The following RAP1GAP variants were observed in gnomAD, a reference collection of about 807,000 sequenced individuals.
The protein encoded by RAP1GAP is RAP1 GTPase activating protein, also known as rap1 GTPase-activating protein 1.
Under a neutral mutation model 87.2 loss-of-function variants are expected in RAP1GAP, and 35 were observed. That is an observed-to-expected ratio of 0.40 (90% CI 0.31 to 0.53). The LOEUF is 0.53. Among genes scored for constraint, RAP1GAP ranks in the 20% least tolerant of loss-of-function variants. The pLI is 0.48. For missense variants in RAP1GAP, 734 were observed against 898.9 expected (o/e 0.82, Z 2.35); for synonymous variants, 375 against 363.9 (o/e 1.03, Z -0.35).
chr1:21,656,631 G>A (rs1041830123), intron 1 of RAP1GAP, among the ~76,000 whole-genome samples: 5 of 152,180 alleles, frequency 3.3e-5, no homozygotes, highest in African/African-American at 1.2e-4. Flanking sequence ...AGGGAAGAGT[G>A]GGTGTGACTT....
intron 1 of RAP1GAP, 133 bp from the exon 2 acceptor site, chr1:21,649,929 G>T: frequency 1.1e-6 from 1 of 890,548 alleles, no homozygotes; most frequent in Non-Finnish European, 1.8e-6. Context: ...AAGGATGCCT[G>T]ATGCAGTCAC....
chr1:21,600,485 T>G (rs1302209889), intron 20 of RAP1GAP, among the ~76,000 whole-genome samples: 1 of 152,172 alleles, frequency 6.6e-6, no homozygotes, highest in Non-Finnish European at 1.5e-5. Flanking sequence ...TCTGCTTCCA[T>G]CCCACCCCAC....
intron 2 of RAP1GAP, among the ~76,000 whole-genome samples, chr1:21,630,180 C>T (rs942419606): frequency 1.3e-5 from 2 of 152,208 alleles, no homozygotes; most frequent in African/African-American, 4.8e-5. Context: ...TTGACCTCCC[C>T]CAACATCTGG....
chr1:21,633,392 C>T (rs1052313169), intron 2 of RAP1GAP, among the ~76,000 whole-genome samples: 1 of 152,230 alleles, frequency 6.6e-6, no homozygotes, highest in Non-Finnish European at 1.5e-5. Context: ...AGGCACCCCC[C>T]CTCTGCTGGG....
intron 1 of RAP1GAP, among the ~76,000 whole-genome samples, chr1:21,659,451 C>A (rs2097019234): frequency 6.6e-6 from 1 of 152,172 alleles, no homozygotes; most frequent in African/African-American, 2.4e-5. Flanking sequence ...GGAGGCGGCC[C>A]CAGCGCCCGT....
chr1:21,611,328 G>A, intron 13 of RAP1GAP, 124 bp downstream of exon 13: 2 of 1,334,714 alleles, frequency 1.5e-6, no homozygotes, highest in Non-Finnish European at 2.0e-6. Flanking sequence ...ACAAGTGGGG[G>A]CGCTGATCAT....
At chr1:21,608,801 G>T (rs373493376) in intron 16 of RAP1GAP, 49 bp downstream of exon 16, 4 of 1,538,916 alleles carry the variant, frequency 2.6e-6, no homozygotes, top group Non-Finnish European at 3.6e-6. Context: ...TGAAGTTATA[G>T]GTTGGAAGGT....
chr1:21,640,427 G>A (rs940025024), intron 2 of RAP1GAP, among the ~76,000 whole-genome samples: 3 of 152,226 alleles, frequency 2.0e-5, no homozygotes, highest in Non-Finnish European at 2.9e-5. Flanking sequence ...GCCTGGGTCT[G>A]TTTGGGTCTG....
At chr1:21,604,439 C>T (rs2072208387) in intron 18 of RAP1GAP, among the ~76,000 whole-genome samples, 1 of 152,010 alleles carries the variant, frequency 6.6e-6, no homozygotes, top group South Asian at 2.1e-4. Flanking sequence ...AACAAAAAAA[C>T]AAGGAGAGAG....
intron 2 of RAP1GAP, among the ~76,000 whole-genome samples, chr1:21,626,680 G>C (rs1200000766): frequency 6.6e-6 from 1 of 152,184 alleles, no homozygotes; most frequent in East Asian, 1.9e-4. Context: ...GTAGACTGAG[G>C]CAGGGGCACT....
rs2081218574 is a variant in RAP1GAP at position 21,615,201 on chromosome 1, A to G, written c.292-1112T>C. 6.6e-6 allele frequency among the ~76,000 whole-genome samples: 1 copy of G among 152,060 alleles called. No individual in the cohort carries two copies. Among genetic ancestry groups the G allele is most frequent in the Non-Finnish European group, 1.5e-5 (1 of 67,998 alleles). ...AGGAGCCCCCGGGACACAGTGGGAG[A>G]GCGGGCTCAGGGTCCCAGGAAGTCA... On this transcript the variant is annotated intron_variant, in intron 7 of 24. Coordinates refer to ENST00000374765, the MANE Select transcript of RAP1GAP (RefSeq NM_002885.4). This position sits in a 1 kb window ranked among gnomAD's most constrained non-coding sequence, Gnocchi z 4.5.
Position 21,634,936 on chromosome 1 carries a change from C to T in RAP1GAP, c.-112-8539G>A, listed in dbSNP as rs1296973573. On this transcript the variant is annotated intron_variant, in intron 2 of 24. Transcript: ENST00000374765. The surrounding 1 kb of genome is among the most constrained non-coding windows in gnomAD (Gnocchi z 4.1). ...ACCCGGCCGCAGGGCCTCTTCCTGCCGGGCAACAACATCATCTGCTTCCCT... is the reference window on the plus strand; with the variant it reads ...ACCCGGCCGCAGGGCCTCTTCCTGCTGGGCAACAACATCATCTGCTTCCCT... Among the ~76,000 whole-genome samples the T allele has an allele frequency of 1.3e-5, 2 of 152,210 alleles. No homozygotes were observed. The highest frequency in any genetic ancestry group is 4.8e-5 in the African/African-American group (2 of 41,450).
Position 21,660,339 on chromosome 1 carries a change from C to CTATATATATATATATATATATATATA in RAP1GAP, c.-149+8914_-149+8915insTATATATATATATATATATATATATA, listed in dbSNP as rs1553503813. On this transcript the variant is annotated intron_variant, in intron 1 of 24. Coordinates refer to ENST00000374765, the MANE Select transcript of RAP1GAP (RefSeq NM_002885.4). ...CTGGACAGAGTGGGTTCCAACTCAG[C>CTATATATATATATATATATATATATA]TATATATATTTATTGAGACAGTCTC... is the stretch of plus-strand genomic sequence containing the variant. Among the ~76,000 whole-genome samples the CTATATATATATATATATATATATATA allele has an allele frequency of 7.6e-5, 4 of 52,864 alleles. 1 individual carries two copies. Among genetic ancestry groups the CTATATATATATATATATATATATATA allele is most frequent in the Non-Finnish European group, 1.3e-4 (3 of 23,866 alleles). 34.7% of individuals were successfully genotyped at this position (52,864 alleles called of 152,430 possible).
chr1:21,615,644 G>A lies in RAP1GAP; in HGVS notation c.292-1555C>T, dbSNP rs576025512. Among the ~76,000 whole-genome samples the A allele has an allele frequency of 3.9e-5, 6 of 152,108 alleles. No individual in the cohort carries two copies. Among genetic ancestry groups the A allele is most frequent in the South Asian group, 2.1e-4 (1 of 4,806 alleles). On this transcript the variant is annotated intron_variant, in intron 7 of 24. Transcript: ENST00000374765. This position sits in a 1 kb window ranked among gnomAD's most constrained non-coding sequence, Gnocchi z 4.5. ...TGACCTCAAGTGATCTGCCCACCTC[G>A]GCCTCCCAAAGTGCTGGGATTACAG... is the stretch of plus-strand genomic sequence containing the variant.
chr1:21,636,257 G>C (rs1455521062), intron 2 of RAP1GAP, among the ~76,000 whole-genome samples: 2 of 152,214 alleles, frequency 1.3e-5, no homozygotes, highest in African/African-American at 4.8e-5. Flanking sequence ...ACAGCTGTGT[G>C]ACCTTGGACA....
At chr1:21,631,440 C>G (rs181172692) in intron 2 of RAP1GAP, among the ~76,000 whole-genome samples, 1,806 of 152,346 alleles carry the variant, frequency 0.012, 34 homozygotes, top group Admixed American at 0.055. Context: ...AATCCCAGCA[C>G]TTTGGGAGGC....
intron 1 of RAP1GAP, chr1:21,651,644 A>C (rs2096573277): frequency 1.1e-6 from 1 of 935,314 alleles, no homozygotes; most frequent in Non-Finnish European, 1.7e-6. Context: ...CACTGAGGTC[A>C]AACGCTCAGC....
intron 2 of RAP1GAP, among the ~76,000 whole-genome samples, chr1:21,642,914 A>ACT (rs1558839981): frequency 6.7e-6 from 1 of 149,244 alleles, no homozygotes. Context: ...ACACACACAC[A>ACT]CTGCCACTTG....
intron 1 of RAP1GAP, among the ~76,000 whole-genome samples, chr1:21,656,580 GAA>G (rs908089105): frequency 1.4e-4 from 22 of 152,282 alleles, no homozygotes; most frequent in Non-Finnish European, 2.6e-4. Context: ...GAAGCTTCTG[GAA>G]AAAGAGTCTC....
Sources: allele counts gnomAD v4.1 joint callset (sites outside exome capture counted in the v4.1 genomes callset), GRCh38; gene constraint gnomAD v4.1.1; non-coding constraint Gnocchi (gnomAD v3.1); transcripts MANE v1.5; gene names NCBI Gene and HGNC (gene_info 2026-07-23, HGNC 2026-07-21).